Variants in UGT1A4 observed in about 807,000 individuals in gnomAD.
UGT1A4 encodes the protein UDP-glucuronosyltransferase 1A4.
UGT1A4 carries 32 observed loss-of-function variants against 41.1 expected under a neutral mutation model. That is an observed-to-expected ratio of 0.78 (90% CI 0.59 to 1.05). UGT1A4 has a LOEUF of 1.05. Among genes scored for constraint, UGT1A4 ranks in the 50% least tolerant of loss-of-function variants. The pLI, the probability that UGT1A4 is intolerant of heterozygous loss-of-function variation, is 0.00. For synonymous variants in UGT1A4, 283 were observed against 265.1 expected, an observed-to-expected ratio of 1.07 and a Z score of -0.66; for missense variants, 748 against 677.4, an observed-to-expected ratio of 1.10 and a Z score of -1.16.
chr2:233,761,975 T>C (rs1697919951), intron 1 of UGT1A4, among the ~76,000 whole-genome samples: 1 of 152,208 alleles, frequency 6.6e-6, no homozygotes, highest in South Asian at 2.1e-4. Flanking sequence ...TGATATCACC[T>C]TCGGAGGTGA....
chr2:233,728,584 C>T (rs553325629), intron 1 of UGT1A4, among the ~76,000 whole-genome samples: 5 of 152,182 alleles, frequency 3.3e-5, no homozygotes, highest in Non-Finnish European at 7.3e-5. Flanking sequence ...GAAAAACGAC[C>T]AAAACCACAT....
intron 1 of UGT1A4, among the ~76,000 whole-genome samples, chr2:233,726,278 A>T (rs548858738): frequency 6.6e-6 from 1 of 152,236 alleles, no homozygotes; most frequent in Non-Finnish European, 1.5e-5. Context: ...CTATGGTCCC[A>T]GGTACTTGGG....
At chr2:233,728,864 C>G (rs2077757785) in intron 1 of UGT1A4, among the ~76,000 whole-genome samples, 1 of 152,164 alleles carries the variant, frequency 6.6e-6, no homozygotes, top group African/African-American at 2.4e-5. Flanking sequence ...GAAACAAGAG[C>G]TTGAACTTGG....
At chr2:233,760,144 TG>T in intron 1 of UGT1A4, 1 of 1,433,916 alleles carries the variant, frequency 7.0e-7, no homozygotes, top group Non-Finnish European at 9.3e-7. Flanking sequence ...TCTCTGAAAG[TG>T]AACTCCCTGC....
chr2:233,730,126 G>A, intron 1 of UGT1A4: 1 of 1,542,516 alleles, frequency 6.5e-7, no homozygotes, highest in Non-Finnish European at 8.7e-7. Flanking sequence ...TGTCATAATA[G>A]CCTTCAGTGA....
At position 233,743,108 on chromosome 2, in the gene UGT1A4, C is replaced by G. The variant is rs1240722532; in HGVS notation, c.867+23421C>G. ...TTATAAATTCTTGGGTACAGCTGTT[C>G]TGAAAGTAAAGTTCACTTTCAATCC... On this transcript the variant is annotated intron_variant, in intron 1 of 4. Transcript: ENST00000373409. The G allele has an allele frequency of 4.8e-5, 17 of 354,252 alleles. No homozygotes were observed. The East Asian group carries it at 6.6e-4, about 14-fold the overall frequency. The allele number at this position is 354,252 out of a possible 1,614,324, so 21.9% of individuals were successfully genotyped here.
chr2:233,772,368 G>C lies in UGT1A4; in HGVS notation c.1414G>C (p.Ala472Pro). Reference protein sequence around the residue: ...WVEFVMRHKGAPHLRPAAHDL... With the variant: ...WVEFVMRHKGPPHLRPAAHDL... Reference sequence around the variant, plus strand: ...GGAGTTTGTGATGAGGCACAAGGGCGCGCCACACCTGCGCCCCGCAGCCCA... The same window carrying C: ...GGAGTTTGTGATGAGGCACAAGGGCCCGCCACACCTGCGCCCCGCAGCCCA... Residue 472 changes from alanine (A) to proline (P), a missense_variant, in exon 5 of 5, where the codon GCG (alanine) becomes CCG (proline). Coordinates refer to ENST00000373409, the MANE Select transcript of UGT1A4 (RefSeq NM_007120.3). 6.2e-7 allele frequency: 1 copy of C among 1,614,220 alleles called. No homozygotes were observed. The highest frequency in any genetic ancestry group is 1.1e-5 in the South Asian group (1 of 91,078).
rs61764030 is a variant in UGT1A4, at chr2:233,729,599, C to T, written c.867+9912C>T. ...TTAACAGACCCCGTTAACCTCTGCG[C>T]GGCAGTGCTGGCTAAGTACCTGTCG... On this transcript the variant is annotated intron_variant, in intron 1 of 4. Coordinates refer to ENST00000373409, the MANE Select transcript of UGT1A4 (RefSeq NM_007120.3). The T allele has an allele frequency of 2.7e-3, 4,298 of 1,614,002 alleles. 9 individuals carry two copies. Among genetic ancestry groups the T allele is most frequent in the Admixed American group, 4.7e-3 (282 of 60,020 alleles).
At chr2:233,723,515 T>C (rs1475684057) in intron 1 of UGT1A4, among the ~76,000 whole-genome samples, 1,226 of 106,738 alleles carry the variant, frequency 0.011, 61 homozygotes, top group African/African-American at 0.052. Flanking sequence ...TGGTCAACAA[T>C]CTTTTTTTTT....
In UGT1A4 at chr2:233,772,530, A is replaced by G; in HGVS notation, c.1576A>G (p.Lys526Glu). The change falls in exon 5 of 5, where the codon AAG becomes GAG. Residue 526 changes from lysine (K) to glutamate (E), a missense_variant. By Grantham distance (56) the Lys-to-Glu change is moderately conservative (BLOSUM62 1). Transcript: ENST00000373409. ...ATGCTTGGGGAAAAAAGGGCGAGTT[A>G]AGAAAGCCCACAAATCCAAGACCCA... ...RKCLGKKGRVKKAHKSKTH is the reference protein window; with the variant it reads ...RKCLGKKGRVEKAHKSKTH 6.2e-7 allele frequency: 1 copy of G among 1,614,200 alleles called. No individual in the cohort carries two copies. The highest frequency in any genetic ancestry group is 2.2e-5 in the East Asian group (1 of 44,884).
At chr2:233,730,491 G>C (rs1414931155) in intron 1 of UGT1A4, among the ~76,000 whole-genome samples, 4 of 152,196 alleles carry the variant, frequency 2.6e-5, no homozygotes, top group African/African-American at 9.6e-5. Context: ...TGAAATAGAA[G>C]TGTCAGAGAG....
At chr2:233,736,414 AC>A (rs1363284987) in intron 1 of UGT1A4, among the ~76,000 whole-genome samples, 6 of 152,024 alleles carry the variant, frequency 3.9e-5, no homozygotes, top group Non-Finnish European at 5.9e-5. Flanking sequence ...CATTCATCTA[AC>A]CTTTTTTCAA....
intron 1 of UGT1A4, among the ~76,000 whole-genome samples, chr2:233,735,969 A>C (rs1327406953): frequency 2.0e-5 from 3 of 152,092 alleles, no homozygotes; most frequent in Admixed American, 2.0e-4. Context: ...AACTTTGGTG[A>C]ATCTGACAAT....
intron 1 of UGT1A4, among the ~76,000 whole-genome samples, chr2:233,759,591 C>G (rs984696431): frequency 2.0e-5 from 3 of 147,100 alleles, no homozygotes; most frequent in East Asian, 2.0e-4. Flanking sequence ...GCACGCCCCC[C>G]ACCCCCGACC....
intron 1 of UGT1A4, among the ~76,000 whole-genome samples, chr2:233,736,165 G>T (rs533285485): frequency 6.6e-6 from 1 of 152,206 alleles, no homozygotes; most frequent in Non-Finnish European, 1.5e-5. Flanking sequence ...CGTAGATTTG[G>T]TCTTTCCACA....
chr2:233,772,501 G>A lies in UGT1A4; in HGVS notation c.1547G>A (p.Arg516Gln), dbSNP rs778667717. Residue 516 changes from arginine (R) to glutamine (Q), a missense_variant, in exon 5 of 5, where the codon CGG (arginine) becomes CAG (glutamine). Transcript: ENST00000373409. Reference protein sequence around the residue: ...ITFKCCAYGYRKCLGKKGRVK... With the variant: ...ITFKCCAYGYQKCLGKKGRVK... Reference sequence around the variant, plus strand: ...TTTAAATGTTGTGCTTATGGCTACCGGAAATGCTTGGGGAAAAAAGGGCGA... The same window carrying A: ...TTTAAATGTTGTGCTTATGGCTACCAGAAATGCTTGGGGAAAAAAGGGCGA... The A allele has an allele frequency of 1.8e-5, 29 of 1,614,036 alleles. No homozygotes were observed. The highest frequency in any genetic ancestry group is 5.5e-5 in the South Asian group (5 of 91,088).
rs866500462 is a variant in UGT1A4 at position 233,723,536 on chromosome 2, T to A, written c.867+3849T>A. On this transcript the variant is annotated intron_variant, in intron 1 of 4. Transcript: ENST00000373409. ...ACAATCTTTTTTTTTTTTTTTTTTTTAATTTATTTTTTTATTGATAATTCT... is the reference window on the plus strand; with the variant it reads ...ACAATCTTTTTTTTTTTTTTTTTTTAAATTTATTTTTTTATTGATAATTCT... Among the ~76,000 whole-genome samples the A allele has an allele frequency of 8.1e-4, 98 of 121,464 alleles. 4 individuals are homozygous for A. The highest frequency in any genetic ancestry group is 1.3e-3 in the African/African-American group (39 of 29,948). 79.7% of individuals were successfully genotyped at this position (121,464 alleles called of 152,430 possible). A position where few individuals can be genotyped will look rare whatever the true frequency, so the allele number is the denominator to read the frequency against.
chr2:233,733,972 G>A (rs2078461884), intron 1 of UGT1A4, among the ~76,000 whole-genome samples: 1 of 152,042 alleles, frequency 6.6e-6, no homozygotes, highest in South Asian at 2.1e-4. Flanking sequence ...AGGGGGAGCG[G>A]GGAGGGATAG....
intron 1 of UGT1A4, among the ~76,000 whole-genome samples, chr2:233,720,265 G>T (rs928123485): frequency 1.2e-4 from 19 of 152,154 alleles, no homozygotes; most frequent in Admixed American, 1.0e-3. Flanking sequence ...AGAGGGATCT[G>T]TCCTGAGAAA....
Sources: allele counts gnomAD v4.1 joint callset (sites outside exome capture counted in the v4.1 genomes callset), GRCh38; gene constraint gnomAD v4.1.1; transcripts MANE v1.5; gene names NCBI Gene and HGNC (gene_info 2026-07-23, HGNC 2026-07-21).